SLC9C2: variants seen among roughly 807,000 people sequenced by gnomAD.
SLC9C2 encodes the protein sodium/hydrogen exchanger 11.
Under a neutral mutation model 140.2 loss-of-function variants are expected in SLC9C2, and 75 were observed. The observed-to-expected ratio is 0.53, with a 90% CI of 0.44 to 0.65. The LOEUF is 0.65. Among genes scored for constraint, SLC9C2 ranks in the 30% least tolerant of loss-of-function variants. The pLI is 0.00. For missense variants in SLC9C2, 1,074 were observed against 1,331.8 expected (o/e 0.81, Z 3.01); for synonymous variants, 375 against 420.9 (o/e 0.89, Z 1.34).
intron 13 of SLC9C2, among the ~76,000 whole-genome samples, chr1:173,538,754 C>T (rs753609746): frequency 1.7e-4 from 26 of 152,056 alleles, no homozygotes; most frequent in South Asian, 1.5e-3. Flanking sequence ...ATCTCTAGTG[C>T]ACGTACAGAG....
At chr1:173,557,944 TAA>T (rs1192181981) in intron 9 of SLC9C2, among the ~76,000 whole-genome samples, 1 of 152,052 alleles carries the variant, frequency 6.6e-6, no homozygotes, top group Non-Finnish European at 1.5e-5. Context: ...CAATAAATAA[TAA>T]AAAAAGTTTA....
At chr1:173,516,737 C>A (rs1191665931) in intron 23 of SLC9C2, among the ~76,000 whole-genome samples, 1 of 152,164 alleles carries the variant, frequency 6.6e-6, no homozygotes, top group East Asian at 1.9e-4. Context: ...TAGGTTGATT[C>A]CACGTCTTTG....
At chr1:173,547,503 C>T (rs1403904135) in intron 13 of SLC9C2, among the ~76,000 whole-genome samples, 186 bp downstream of exon 13, 1 of 151,402 alleles carries the variant, frequency 6.6e-6, no homozygotes, top group Admixed American at 6.6e-5. Context: ...AGGTTTGTGA[C>T]TTAAACTTCA....
At chr1:173,513,346 T>C (rs1172714789) in intron 23 of SLC9C2, among the ~76,000 whole-genome samples, 1 of 152,194 alleles carries the variant, frequency 6.6e-6, no homozygotes, top group Non-Finnish European at 1.5e-5. Context: ...TCAGAACTAA[T>C]TTTTGGTCTA....
chr1:173,587,051 TAGG>T (rs1665895543), intron 5 of SLC9C2, among the ~76,000 whole-genome samples: 2 of 152,066 alleles, frequency 1.3e-5, no homozygotes, highest in Admixed American at 1.3e-4. Context: ...AACCTGACAA[TAGG>T]GGGATATTTC....
chr1:173,530,189 T>C (rs1294911500), intron 17 of SLC9C2, 135 bp from the exon 18 acceptor site: 1 of 739,380 alleles, frequency 1.4e-6, no homozygotes, highest in Admixed American at 3.1e-5. Flanking sequence ...ATGCAAAATC[T>C]CAGGTCCCAC....
At chr1:173,562,022 T>C (rs561157429) in intron 9 of SLC9C2, among the ~76,000 whole-genome samples, 31 of 152,188 alleles carry the variant, frequency 2.0e-4, no homozygotes, top group African/African-American at 7.2e-4. Context: ...GTTCTAGAAA[T>C]AAAATTTCAT....
At chr1:173,586,787 C>T (rs951791285) in intron 5 of SLC9C2, among the ~76,000 whole-genome samples, 1 of 152,058 alleles carries the variant, frequency 6.6e-6, no homozygotes, top group Non-Finnish European at 1.5e-5. Flanking sequence ...GAACAGAAAA[C>T]CAAACACCAC....
intron 16 of SLC9C2, among the ~76,000 whole-genome samples, 173 bp downstream of exon 16, chr1:173,534,311 C>G (rs1661792311): frequency 6.6e-6 from 1 of 152,044 alleles, no homozygotes. Flanking sequence ...GACTCTTATA[C>G]TAATTTCACT....
chr1:173,525,246 A>G (rs193119963), intron 19 of SLC9C2, among the ~76,000 whole-genome samples: 3 of 152,280 alleles, frequency 2.0e-5, no homozygotes, highest in African/African-American at 2.4e-5. Context: ...CTCATCCTCC[A>G]TATTGTATAA....
At position 173,526,624 on chromosome 1, in the gene SLC9C2, A is replaced by T. The variant is rs539924632; in HGVS notation, c.2365+39T>A. ...TCTTTTATTAAATTATAGGACAATAAGGTATGACTTTAAGAACTCAGATAC... is the reference window on the plus strand; with the variant it reads ...TCTTTTATTAAATTATAGGACAATATGGTATGACTTTAAGAACTCAGATAC... On this transcript the variant is annotated intron_variant, in intron 19 of 27. Coordinates refer to ENST00000367714, the MANE Select transcript of SLC9C2 (RefSeq NM_178527.4). 27 of 1,483,162 alleles carry T rather than the reference A, an allele frequency of 1.8e-5. No individual in the cohort carries two copies. In the South Asian group the frequency reaches 3.3e-4, roughly 18 times the overall value. 91.9% of individuals were successfully genotyped at this position (1,483,162 alleles called of 1,614,324 possible).
At chr1:173,601,266 T>G (rs1443462438) in intron 2 of SLC9C2, among the ~76,000 whole-genome samples, 1 of 152,204 alleles carries the variant, frequency 6.6e-6, no homozygotes, top group Non-Finnish European at 1.5e-5. Flanking sequence ...GATATTTTGG[T>G]CAGGTTAGGT....
intron 22 of SLC9C2, among the ~76,000 whole-genome samples, chr1:173,517,987 G>T (rs752167287): frequency 6.6e-6 from 1 of 152,136 alleles, no homozygotes; most frequent in South Asian, 2.1e-4. Context: ...AGGGCTGGGC[G>T]CAGTGGCTCA....
At chr1:173,526,498 C>T (rs1281666036) in intron 19 of SLC9C2, among the ~76,000 whole-genome samples, 165 bp downstream of exon 19, 1 of 152,190 alleles carries the variant, frequency 6.6e-6, no homozygotes, top group Non-Finnish European at 1.5e-5. Flanking sequence ...TCAGGATCTA[C>T]TCATCTTTGC....
intron 9 of SLC9C2, among the ~76,000 whole-genome samples, chr1:173,572,647 C>T (rs966245026): frequency 1.3e-5 from 2 of 152,232 alleles, no homozygotes; most frequent in South Asian, 2.1e-4. Flanking sequence ...CTCTGGGCTT[C>T]GTCTGTGAAG....
At chr1:173,511,610 T>C (rs1195422217) in intron 23 of SLC9C2, among the ~76,000 whole-genome samples, 5 of 152,204 alleles carry the variant, frequency 3.3e-5, no homozygotes, top group African/African-American at 9.6e-5. Flanking sequence ...GTAGGCTGCC[T>C]GTTCACTCTA....
At chr1:173,582,894 C>G (rs1665631468) in intron 6 of SLC9C2, among the ~76,000 whole-genome samples, 1 of 152,198 alleles carries the variant, frequency 6.6e-6, no homozygotes, top group African/African-American at 2.4e-5. Context: ...CACTGAGATC[C>G]AGATTGATCC....
At position 173,587,809 on chromosome 1, in the gene SLC9C2, T is replaced by C; in HGVS notation, c.379A>G (p.Ser127Gly). 3.1e-6 allele frequency: 5 copies of C among 1,612,576 alleles called. No individual in the cohort carries two copies. Among genetic ancestry groups the C allele is most frequent in the Non-Finnish European group, 4.2e-6 (5 of 1,179,308 alleles). The stretch of plus-strand genomic sequence containing the variant: ...ATTATGATGCTTGCTGTAGAAAAGC[T>C]AATTAATCCAGTTAACAAGACCTGT... The part of the protein sequence containing the change: ...FWQVLLTGLI[S>G]FSTASIIIGY... The change falls in exon 5 of 28, where the codon AGC becomes GGC. Residue 127 changes from serine (S) to glycine (G), a missense_variant. Coordinates refer to ENST00000367714, the MANE Select transcript of SLC9C2 (RefSeq NM_178527.4).
intron 9 of SLC9C2, among the ~76,000 whole-genome samples, chr1:173,568,380 T>A (rs1413473404): frequency 6.7e-6 from 1 of 148,378 alleles, no homozygotes; most frequent in South Asian, 2.1e-4. Context: ...TAACATGTAG[T>A]GTTTGGTTTT....
Sources: allele counts gnomAD v4.1 joint callset (sites outside exome capture counted in the v4.1 genomes callset), GRCh38; gene constraint gnomAD v4.1.1; transcripts MANE v1.5; gene names NCBI Gene and HGNC (gene_info 2026-07-23, HGNC 2026-07-21).